Variants in CUL3 observed in about 807,000 individuals in gnomAD.
CUL3 encodes the protein cullin 3.
In CUL3, 19 loss-of-function variants were observed where a neutral mutation model predicts 89.1. That is an observed-to-expected ratio of 0.21 (90% CI 0.15 to 0.31). CUL3 has a LOEUF of 0.31. Among genes scored for constraint, CUL3 ranks in the 10% least tolerant of loss-of-function variants. The probability of loss-of-function intolerance (pLI) is 1.00; values close to 1 mark genes in which losing one functional copy is unlikely to be tolerated. For synonymous variants in CUL3, 351 were observed against 308.4 expected, an observed-to-expected ratio of 1.14 and a Z score of -1.45; for missense variants, 469 against 942.3, an observed-to-expected ratio of 0.50 and a Z score of 6.58.
chr2:224,546,559 G>A (rs1694309017), intron 2 of CUL3, among the ~76,000 whole-genome samples: 1 of 152,002 alleles, frequency 6.6e-6, no homozygotes, highest in African/African-American at 2.4e-5. Flanking sequence ...AGACAACTGA[G>A]TGCCAACCAC....
At chr2:224,541,801 G>A (rs1038025533) in intron 2 of CUL3, among the ~76,000 whole-genome samples, 1 of 151,892 alleles carries the variant, frequency 6.6e-6, no homozygotes, top group East Asian at 1.9e-4. Flanking sequence ...AGACTCAAAA[G>A]ATTACAAACT....
At position 224,535,518 on chromosome 2, in the gene CUL3, C is replaced by G. The variant is rs2106263984; in HGVS notation, c.378+10G>C. ...TTAAAGGAAGAAAACATTTAAAAAG[C>G]TCTACTTACCATGTACATTAGTATG... On this transcript the variant is annotated intron_variant, in intron 3 of 15. Coordinates refer to ENST00000264414, the MANE Select transcript of CUL3 (RefSeq NM_003590.5). 1 of 1,516,350 alleles carries G rather than the reference C, an allele frequency of 6.6e-7. No individual in the cohort carries two copies. The highest frequency in any genetic ancestry group is 1.3e-5 in the South Asian group (1 of 79,026). The allele number at this position is 1,516,350 out of a possible 1,614,324, so 93.9% of individuals were successfully genotyped here.
Position 224,558,814 on chromosome 2 carries a change from G to A in CUL3, c.67-958C>T, listed in dbSNP as rs572343662. 4.7e-3 allele frequency among the ~76,000 whole-genome samples: 714 copies of A among 152,028 alleles called. 2 individuals are homozygous for A. Among genetic ancestry groups the A allele is most frequent in the South Asian group, 0.012 (60 of 4,814 alleles). ...TCCCAGCACTATGGGAGGCCGAGGC[G>A]GGCGGATCATGAGGTCAGGAGATCG... is the stretch of plus-strand genomic sequence containing the variant. On this transcript the variant is annotated intron_variant, in intron 1 of 15. Coordinates refer to ENST00000264414, the MANE Select transcript of CUL3 (RefSeq NM_003590.5).
At chr2:224,510,916 A>G (rs1476884380) in intron 6 of CUL3, among the ~76,000 whole-genome samples, 1 of 152,170 alleles carries the variant, frequency 6.6e-6, no homozygotes, top group Admixed American at 6.6e-5. Context: ...CATTTTCAGC[A>G]CCCTGTCACA....
intron 4 of CUL3, among the ~76,000 whole-genome samples, chr2:224,514,382 A>G (rs762402330): frequency 6.6e-6 from 1 of 152,216 alleles, no homozygotes; most frequent in Non-Finnish European, 1.5e-5. Flanking sequence ...CGGCTAGCTG[A>G]AAAGCATATT....
chr2:224,507,306 T>G (rs1256694130), intron 6 of CUL3, among the ~76,000 whole-genome samples: 2 of 152,120 alleles, frequency 1.3e-5, no homozygotes. Flanking sequence ...ACAAGTAATG[T>G]CACAAAAACA....
intron 2 of CUL3, among the ~76,000 whole-genome samples, chr2:224,556,706 T>C (rs980557086): frequency 4.6e-5 from 7 of 152,158 alleles, no homozygotes; most frequent in African/African-American, 1.7e-4. Context: ...TTTTGATCAT[T>C]GTTCTTTGGT....
At chr2:224,526,584 TCAAAAAAAAAAA>T (rs1559175385) in intron 3 of CUL3, among the ~76,000 whole-genome samples, 1 of 38,196 alleles carries the variant, frequency 2.6e-5, no homozygotes, top group African/African-American at 1.3e-4. Context: ...AGACTCCGTC[TCAAAAAAAAAAA>T]AAAAAAAAAA....
chr2:224,525,494 G>A (rs1693436617), intron 3 of CUL3, among the ~76,000 whole-genome samples: 1 of 152,158 alleles, frequency 6.6e-6, no homozygotes, highest in Non-Finnish European at 1.5e-5. Context: ...ATACAGGTAT[G>A]TAATAAATGA....
At chr2:224,493,389 G>A (rs1361566644) in intron 13 of CUL3, among the ~76,000 whole-genome samples, 1 of 152,212 alleles carries the variant, frequency 6.6e-6, no homozygotes, top group Non-Finnish European at 1.5e-5. Flanking sequence ...AACACGTGGT[G>A]TTGAGTAAAG....
rs567343496 is a variant in CUL3, at chr2:224,477,678, G to A, written c.2175+522C>T. ...ACTCATTCAAGCCAGAAACCTAAAC[G>A]GCGTCTTCAACTTCTCCCTCTCACT... is the stretch of plus-strand genomic sequence containing the variant. On this transcript the variant is annotated intron_variant, in intron 15 of 15. Transcript: ENST00000264414. Among the ~76,000 whole-genome samples, 12 of 152,170 alleles carry A rather than the reference G, an allele frequency of 7.9e-5. No homozygotes were observed. The East Asian group carries it at 1.2e-3, about 15-fold the overall frequency.
At position 224,510,219 on chromosome 2, in the gene CUL3, G is replaced by GCTT. The variant is rs35677866; in HGVS notation, c.883+1134_883+1135insAAG. ...ACAGCAAATATACTAGATGACTTCT[G>GCTT]TTTTTTTTTTTTTTTTGGCTTTTAC... On this transcript the variant is annotated intron_variant, in intron 6 of 15. Coordinates refer to ENST00000264414, the MANE Select transcript of CUL3 (RefSeq NM_003590.5). 1.2e-4 allele frequency among the ~76,000 whole-genome samples: 13 copies of GCTT among 105,346 alleles called. No individual in the cohort carries two copies. The South Asian group carries it at 1.4e-3, about 12-fold the overall frequency. 69.1% of individuals were successfully genotyped at this position (105,346 alleles called of 152,430 possible). A position where few individuals can be genotyped will look rare whatever the true frequency, so the allele number is the denominator to read the frequency against.
At chr2:224,558,109 G>C (rs1275111204) in intron 1 of CUL3, among the ~76,000 whole-genome samples, 2 of 152,020 alleles carry the variant, frequency 1.3e-5, no homozygotes, top group East Asian at 3.9e-4. Flanking sequence ...ACCTGGAGCA[G>C]AACTCTTCAC....
intron 1 of CUL3, among the ~76,000 whole-genome samples, chr2:224,568,594 G>T (rs1695103599): frequency 6.6e-6 from 1 of 152,132 alleles, no homozygotes; most frequent in South Asian, 2.1e-4. Flanking sequence ...TTTTCTAACA[G>T]AAGTAGTGTA....
At chr2:224,574,916 A>G (rs1358177450) in intron 1 of CUL3, among the ~76,000 whole-genome samples, 1 of 152,148 alleles carries the variant, frequency 6.6e-6, no homozygotes, top group Non-Finnish European at 1.5e-5. Context: ...TCAAAGTCAT[A>G]AAAAAGACTG....
intron 1 of CUL3, among the ~76,000 whole-genome samples, chr2:224,565,069 G>A (rs924347946): frequency 6.6e-6 from 1 of 152,038 alleles, no homozygotes; most frequent in Admixed American, 6.6e-5. Context: ...TGAGAGTTAG[G>A]AAAAACTGAC....
At chr2:224,582,654 C>T (rs72974263) in intron 1 of CUL3, among the ~76,000 whole-genome samples, 45,418 of 151,922 alleles carry the variant, frequency 0.3, 7,009 homozygotes, top group Middle Eastern at 0.41. Context: ...ATAATCATAA[C>T]GAAGCTAACA....
At chr2:224,510,894 C>A (rs1692799065) in intron 6 of CUL3, among the ~76,000 whole-genome samples, 1 of 152,148 alleles carries the variant, frequency 6.6e-6, no homozygotes, top group African/African-American at 2.4e-5. Context: ...ATGGAAGACA[C>A]AAATATTTTT....
Position 224,502,886 on chromosome 2 carries a change from T to C in CUL3, c.1485+79A>G, listed in dbSNP as rs1692445534. The C allele has an allele frequency of 3.2e-6, 3 of 952,234 alleles. No homozygotes were observed. The Admixed American group carries it at 6.4e-5, about 20-fold the overall frequency. 59.0% of individuals were successfully genotyped at this position (952,234 alleles called of 1,614,324 possible). A position where few individuals can be genotyped will look rare whatever the true frequency, so the allele number is the denominator to read the frequency against. Reference sequence around the variant, plus strand: ...ATGACATTTAAAGAAACAACTGTCATCTGCTAAGTGGATGAAAATATACCC... The same window carrying C: ...ATGACATTTAAAGAAACAACTGTCACCTGCTAAGTGGATGAAAATATACCC... On this transcript the variant is annotated intron_variant, in intron 10 of 15. Coordinates refer to ENST00000264414, the MANE Select transcript of CUL3 (RefSeq NM_003590.5).
Sources: gnomAD v4.1 joint callset for allele counts (sites outside exome capture counted in the v4.1 genomes callset) on GRCh38, gnomAD v4.1.1 for gene constraint, MANE v1.5 for transcripts, NCBI Gene and HGNC (gene_info 2026-07-23, HGNC 2026-07-21) for gene names.